TSHZ2: variants seen among roughly 807,000 people sequenced by gnomAD.
TSHZ2 encodes the protein teashirt homolog 2.
TSHZ2 carries 21 observed loss-of-function variants against 74.4 expected under a neutral mutation model. The observed-to-expected ratio is 0.28, with a 90% CI of 0.20 to 0.41. The LOEUF is 0.41. Ranked by LOEUF, TSHZ2 falls within the 10% of genes least tolerant of loss-of-function variation. The pLI is 1.00. For missense variants in TSHZ2, 1,244 were observed against 1,293.5 expected (o/e 0.96, Z 0.59); for synonymous variants, 540 against 515.3 (o/e 1.05, Z -0.65).
At chr20:53,377,734 A>T (rs1981711242) in intron 2 of TSHZ2, among the ~76,000 whole-genome samples, 1 of 152,118 alleles carries the variant, frequency 6.6e-6, no homozygotes, top group African/African-American at 2.4e-5. Context: ...ATGATGGTGC[A>T]TGCCTGTAAT....
chr20:53,277,826 G>A (rs1990976955), intron 2 of TSHZ2, among the ~76,000 whole-genome samples: 2 of 152,252 alleles, frequency 1.3e-5, no homozygotes, highest in Non-Finnish European at 2.9e-5. Flanking sequence ...TGTGGAAGCA[G>A]TGAGCAGACT....
At chr20:53,351,637 C>T (rs1165460195) in intron 2 of TSHZ2, among the ~76,000 whole-genome samples, 2 of 152,136 alleles carry the variant, frequency 1.3e-5, no homozygotes, top group African/African-American at 4.8e-5. Context: ...CAAACACTAA[C>T]CTAGGTACAG....
intron 2 of TSHZ2, among the ~76,000 whole-genome samples, chr20:53,342,241 A>G (rs1272247839): frequency 1.3e-5 from 2 of 150,330 alleles, no homozygotes; most frequent in African/African-American, 4.9e-5. Context: ...GGAATACCAC[A>G]ACACATCTAC....
intron 1 of TSHZ2, among the ~76,000 whole-genome samples, chr20:53,037,016 GGTATTAGTGCAGT>G (rs1174543152): frequency 6.6e-6 from 1 of 151,946 alleles, no homozygotes; most frequent in Non-Finnish European, 1.5e-5. Flanking sequence ...ATTTAATTAT[GGTATTAGTGCAGT>G]GTATTAGTAT....
At chr20:53,071,982 CT>C (rs1360667937) in intron 1 of TSHZ2, among the ~76,000 whole-genome samples, 1 of 152,140 alleles carries the variant, frequency 6.6e-6, no homozygotes, top group Non-Finnish European at 1.5e-5. Flanking sequence ...CAGATGGGAG[CT>C]TTTACTGTCA....
intron 1 of TSHZ2, among the ~76,000 whole-genome samples, chr20:53,020,924 T>C (rs1016506482): frequency 2.6e-5 from 4 of 152,220 alleles, no homozygotes; most frequent in Admixed American, 2.0e-4. Context: ...CTCAGGCTAG[T>C]ATTAACCCTC....
chr20:53,359,056 G>GT (rs914136164), intron 2 of TSHZ2, among the ~76,000 whole-genome samples: 1 of 152,012 alleles, frequency 6.6e-6, no homozygotes, highest in African/African-American at 2.4e-5. Context: ...CCATGTTAAC[G>GT]TTTTTCTTCC....
chr20:53,448,212 G>A (rs1181705931), intron 2 of TSHZ2, among the ~76,000 whole-genome samples: 1 of 152,202 alleles, frequency 6.6e-6, no homozygotes, highest in East Asian at 1.9e-4. Flanking sequence ...GGAAAGGGGA[G>A]ATCAGTCTGA....
At chr20:53,107,511 C>T (rs1036438017) in intron 1 of TSHZ2, among the ~76,000 whole-genome samples, 1 of 152,224 alleles carries the variant, frequency 6.6e-6, no homozygotes, top group Non-Finnish European at 1.5e-5. Context: ...TTTGAACATC[C>T]ATCTCAGTTT....
intron 2 of TSHZ2, among the ~76,000 whole-genome samples, chr20:53,419,511 A>G (rs1289279022): frequency 6.6e-6 from 1 of 152,180 alleles, no homozygotes; most frequent in African/African-American, 2.4e-5. Context: ...AGGGTCCATT[A>G]TCACTAGCTC....
intron 2 of TSHZ2, among the ~76,000 whole-genome samples, chr20:53,259,693 G>A (rs1426857299): frequency 3.9e-5 from 6 of 152,302 alleles, no homozygotes; most frequent in East Asian, 3.9e-4. Context: ...TGAAAAGCGC[G>A]TAAGGTTGCC....
At chr20:53,347,911 A>G (rs117278148) in intron 2 of TSHZ2, among the ~76,000 whole-genome samples, 2,958 of 152,300 alleles carry the variant, frequency 0.019, 61 homozygotes, top group Non-Finnish European at 0.025. Context: ...CTATGCCACT[A>G]TCGAGTTTCA....
intron 2 of TSHZ2, among the ~76,000 whole-genome samples, chr20:53,339,564 T>C (rs1032123477): frequency 6.6e-6 from 1 of 152,232 alleles, no homozygotes; most frequent in Middle Eastern, 3.4e-3. Flanking sequence ...CAGTAAAAAA[T>C]GAGCATTCAG....
intron 2 of TSHZ2, among the ~76,000 whole-genome samples, chr20:53,298,573 G>A (rs569868350): frequency 1.3e-5 from 2 of 152,222 alleles, no homozygotes; most frequent in African/African-American, 4.8e-5. Context: ...GAAACAGCAA[G>A]GGGGATAGTA....
At chr20:53,283,738 G>A (rs977169869) in intron 2 of TSHZ2, among the ~76,000 whole-genome samples, 1 of 152,182 alleles carries the variant, frequency 6.6e-6, no homozygotes, top group Non-Finnish European at 1.5e-5. Flanking sequence ...TTGAAGGAAT[G>A]GAGGTATAGC....
chr20:53,328,369 G>C (rs1201499503), intron 2 of TSHZ2, among the ~76,000 whole-genome samples: 1 of 152,128 alleles, frequency 6.6e-6, no homozygotes, highest in Non-Finnish European at 1.5e-5. Flanking sequence ...ATCCAACTCT[G>C]TTTGTAAGTA....
At chr20:53,169,821 G>A (rs886798648) in intron 1 of TSHZ2, among the ~76,000 whole-genome samples, 1 of 152,106 alleles carries the variant, frequency 6.6e-6, no homozygotes, top group Admixed American at 6.5e-5. Context: ...GCCCAGGTAT[G>A]TGCCTATATA....
At chr20:53,412,526 G>C (rs1359055452) in intron 2 of TSHZ2, 2 of 152,250 alleles carry the variant, frequency 1.3e-5, no homozygotes, top group East Asian at 3.8e-4. Flanking sequence ...CATCTCCAGG[G>C]AAACAAGCTA....
chr20:53,358,498 GCCTGGCTACTTTTTTTTGTTTTTTT>G (rs906924968), intron 2 of TSHZ2, among the ~76,000 whole-genome samples: 6 of 151,806 alleles, frequency 4.0e-5, no homozygotes, highest in African/African-American at 1.5e-4. Context: ...GCACCACCAT[GCCTGGCTACTTTTTTTTGTTTTTTT>G]TAGTAGAGAT....
Sources: allele counts gnomAD v4.1 joint callset (sites outside exome capture counted in the v4.1 genomes callset), GRCh38; gene constraint gnomAD v4.1.1; transcripts MANE v1.5; gene names NCBI Gene and HGNC (gene_info 2026-07-23, HGNC 2026-07-21).